Variants in NRXN3 observed in about 807,000 individuals in gnomAD.
NRXN3 encodes neurexin III.
A neutral mutation model predicts 137.6 loss-of-function variants in NRXN3; 32 were observed. The ratio of observed to expected loss-of-function variants is 0.23; its 90% CI spans 0.18 to 0.31. The LOEUF (loss-of-function observed/expected upper bound fraction) is 0.31, where lower values mean the gene tolerates loss of function less well. Among genes scored for constraint, NRXN3 ranks in the 10% least tolerant of loss-of-function variants. NRXN3 has a pLI of 1.00. For missense variants in NRXN3, 1,574 were observed against 2,062.5 expected, an observed-to-expected ratio of 0.76 and a Z score of 4.59; for synonymous variants, 798 against 784.5, an observed-to-expected ratio of 1.02 and a Z score of -0.29.
chr14:79,284,580 G>C (rs1193013397), intron 15 of NRXN3, among the ~76,000 whole-genome samples: 1 of 151,748 alleles, frequency 6.6e-6, no homozygotes, highest in Non-Finnish European at 1.5e-5. Context: ...TTTTAAAAGG[G>C]AACACACCAC....
chr14:79,087,936 T>C (rs1450914405), intron 15 of NRXN3, among the ~76,000 whole-genome samples: 1 of 151,356 alleles, frequency 6.6e-6, no homozygotes, highest in Non-Finnish European at 1.5e-5. Flanking sequence ...GTTTGGGAAA[T>C]AACAACTAGT....
At chr14:79,285,855 GC>G (rs2082148411) in intron 15 of NRXN3, among the ~76,000 whole-genome samples, 1 of 146,270 alleles carries the variant, frequency 6.8e-6, no homozygotes, top group Non-Finnish European at 1.5e-5. Flanking sequence ...ACCGTGCGCT[GC>G]CCCCCACCGC....
At chr14:78,520,254 G>T (rs750961969) in intron 4 of NRXN3, among the ~76,000 whole-genome samples, 40 of 152,082 alleles carry the variant, frequency 2.6e-4, no homozygotes, top group Non-Finnish European at 2.2e-4. Context: ...ACCCTGGATG[G>T]GCATTTGATC....
intron 4 of NRXN3, among the ~76,000 whole-genome samples, chr14:78,555,999 G>C (rs181663079): frequency 4.6e-5 from 7 of 152,332 alleles, no homozygotes; most frequent in African/African-American, 1.7e-4. Context: ...TATCCTGTGT[G>C]TGAGGAGCTC....
chr14:79,805,055 A>C (rs1568310838), intron 19 of NRXN3, 57 bp from the exon 20 acceptor site: 3 of 1,198,238 alleles, frequency 2.5e-6, no homozygotes, highest in Non-Finnish European at 3.7e-6. Flanking sequence ...TAGTTTCCTT[A>C]TCTCTCTCTC....
At chr14:78,509,875 A>G (rs1360830544) in intron 4 of NRXN3, among the ~76,000 whole-genome samples, 1 of 152,122 alleles carries the variant, frequency 6.6e-6, no homozygotes, top group Non-Finnish European at 1.5e-5. Context: ...TGAGTGACAA[A>G]TAACTTTGGC....
chr14:78,798,644 C>T (rs886112933), intron 8 of NRXN3, among the ~76,000 whole-genome samples: 1 of 152,230 alleles, frequency 6.6e-6, no homozygotes, highest in African/African-American at 2.4e-5. Flanking sequence ...CCCACATTTC[C>T]CTTCGGCACT....
chr14:78,964,800 C>T (rs1427384248), intron 11 of NRXN3, among the ~76,000 whole-genome samples: 2 of 150,232 alleles, frequency 1.3e-5, no homozygotes, highest in South Asian at 2.1e-4. Context: ...ATTTTTTTTT[C>T]AAGCCCTCCT....
At chr14:78,627,556 C>T (rs886702677) in intron 4 of NRXN3, among the ~76,000 whole-genome samples, 6 of 152,264 alleles carry the variant, frequency 3.9e-5, no homozygotes, top group Admixed American at 3.3e-4. Flanking sequence ...GGATGAGGCA[C>T]ACATGCAGGA....
chr14:78,513,312 A>G (rs2096143613), intron 4 of NRXN3, among the ~76,000 whole-genome samples: 1 of 152,186 alleles, frequency 6.6e-6, no homozygotes, highest in South Asian at 2.1e-4. Context: ...CATCATCTTC[A>G]TCATAATTTG....
chr14:78,639,994 C>T (rs979250254), intron 4 of NRXN3, among the ~76,000 whole-genome samples: 1 of 152,182 alleles, frequency 6.6e-6, no homozygotes, highest in Admixed American at 6.5e-5. Flanking sequence ...CAATGTCTGA[C>T]ATGTTTTCAT....
chr14:79,036,050 A>G lies in NRXN3; in HGVS notation c.3262+47909A>G, dbSNP rs1595193839. Among the ~76,000 whole-genome samples the G allele has an allele frequency of 4.6e-5, 7 of 152,194 alleles. No individual in the cohort carries two copies. The South Asian group carries it at 1.5e-3, about 32-fold the overall frequency. Reference sequence around the variant, plus strand: ...ATGCTGTCACTTTCTTCTTGAAATCAGAAAAACATCGTAGTTTTTACATGG... The same window carrying G: ...ATGCTGTCACTTTCTTCTTGAAATCGGAAAAACATCGTAGTTTTTACATGG... On this transcript the variant is annotated intron_variant, in intron 15 of 20. Transcript: ENST00000335750.
intron 10 of NRXN3, among the ~76,000 whole-genome samples, chr14:78,940,628 A>G (rs1225330996): frequency 6.6e-6 from 1 of 152,226 alleles, no homozygotes; most frequent in Non-Finnish European, 1.5e-5. Context: ...GTTATTGTAC[A>G]ACAAGTTGGC....
chr14:79,405,065 GC>G (rs771513378), intron 15 of NRXN3, among the ~76,000 whole-genome samples: 142 of 152,220 alleles, frequency 9.3e-4, no homozygotes, highest in Non-Finnish European at 1.8e-3. Flanking sequence ...GGGGAGTACG[GC>G]AGGAGGTTGC....
At chr14:79,025,885 A>G (rs970633871) in intron 15 of NRXN3, among the ~76,000 whole-genome samples, 17 of 152,116 alleles carry the variant, frequency 1.1e-4, no homozygotes, top group Admixed American at 2.6e-4. Context: ...ACTCTCTTCT[A>G]TCTTTCTGTT....
rs563105724 is a variant in NRXN3, at chr14:79,648,322, C to G, written c.3445-15456C>G. The stretch of plus-strand genomic sequence containing the variant: ...ATTGGAAAACCTGTGCCTTTCTCTC[C>G]CAATCAGCTCTGGCTGATTGTCCTA... On this transcript the variant is annotated intron_variant, in intron 16 of 20. Coordinates refer to ENST00000335750, the MANE Select transcript of NRXN3 (RefSeq NM_001330195.2). Among the ~76,000 whole-genome samples the G allele has an allele frequency of 1.9e-4, 26 of 135,758 alleles. 1 individual carries two copies. The highest frequency in any genetic ancestry group is 6.4e-4 in the African/African-American group (26 of 40,880). 89.1% of individuals were successfully genotyped at this position (135,758 alleles called of 152,430 possible). A position where few individuals can be genotyped will look rare whatever the true frequency, so the allele number is the denominator to read the frequency against.
intron 4 of NRXN3, among the ~76,000 whole-genome samples, chr14:78,378,216 G>C (rs1338284538): frequency 6.6e-6 from 1 of 152,186 alleles, no homozygotes; most frequent in Non-Finnish European, 1.5e-5. Context: ...CGGGAACGGT[G>C]GCTCACGCCT....
chr14:78,920,716 T>A (rs200306776), intron 10 of NRXN3, among the ~76,000 whole-genome samples: 1 of 152,178 alleles, frequency 6.6e-6, no homozygotes, highest in Non-Finnish European at 1.5e-5. Context: ...CACCCCTCAG[T>A]TTCCATAATT....
At chr14:79,773,456 G>T (rs1426187157) in intron 19 of NRXN3, among the ~76,000 whole-genome samples, 20 of 152,056 alleles carry the variant, frequency 1.3e-4, no homozygotes, top group South Asian at 4.2e-4. Flanking sequence ...CCATAAAAAA[G>T]GATGAGTTCA....
Sources: allele counts gnomAD v4.1 joint callset (sites outside exome capture counted in the v4.1 genomes callset), GRCh38; gene constraint gnomAD v4.1.1; transcripts MANE v1.5; gene names NCBI Gene and HGNC (gene_info 2026-07-23, HGNC 2026-07-21).